TOP6BL: variants seen among roughly 807,000 people sequenced by gnomAD.
TOP6BL encodes the protein TOP6B like initiator of meiotic double strand breaks.
At chr11:66,745,005 T>C in the TOP6BL span, 3 of 1,209,046 alleles carry the variant, frequency 2.5e-6, no homozygotes, top group South Asian at 1.3e-4. Context: ...GGCAGAGGGG[T>C]CGGGCGTCGC....
At chr11:66,750,661 A>G in the TOP6BL span, among the ~76,000 whole-genome samples, 1 of 151,832 alleles carries the variant, frequency 6.6e-6, no homozygotes, top group African/African-American at 2.4e-5. Context: ...TGATTATTTA[A>G]TATTTATCTT....
chr11:66,828,278 C>G, the TOP6BL span: 27 of 1,613,306 alleles, frequency 1.7e-5, no homozygotes, highest in Admixed American at 1.3e-4. Context: ...AGCTGACACA[C>G]AAGAGTTCAG....
chr11:66,842,980 GC>G, the TOP6BL span: 4 of 1,550,124 alleles, frequency 2.6e-6, no homozygotes, highest in Non-Finnish European at 3.5e-6. Context: ...AGCCACCGCG[GC>G]CCCCCTCACT....
the TOP6BL span, among the ~76,000 whole-genome samples, chr11:66,817,866 G>A: frequency 6.6e-6 from 1 of 152,148 alleles, no homozygotes; most frequent in Non-Finnish European, 1.5e-5. Context: ...CTTAAATAGA[G>A]TAAAATTTGA....
chr11:66,748,432 A>G, the TOP6BL span: 30 of 1,548,008 alleles, frequency 1.9e-5, no homozygotes, highest in Middle Eastern at 5.0e-4. Flanking sequence ...TATCAAAGGG[A>G]GCATTGCTAG....
the TOP6BL span, among the ~76,000 whole-genome samples, chr11:66,789,092 G>A: frequency 1.3e-5 from 2 of 152,192 alleles, no homozygotes; most frequent in South Asian, 2.1e-4. Context: ...CACTCAGTCC[G>A]TAATAGGTAT....
the TOP6BL span, among the ~76,000 whole-genome samples, chr11:66,792,088 G>A: frequency 6.6e-6 from 1 of 152,122 alleles, no homozygotes; most frequent in East Asian, 1.9e-4. Context: ...GGGATTACAG[G>A]CGTGAGCCGC....
At chr11:66,836,829 T>C in the TOP6BL span, among the ~76,000 whole-genome samples, 1 of 149,456 alleles carries the variant, frequency 6.7e-6, no homozygotes, top group East Asian at 2.0e-4. Flanking sequence ...GCCTCCTGAG[T>C]AGCTGGGATT....
At chr11:66,790,963 C>A in the TOP6BL span, among the ~76,000 whole-genome samples, 1 of 152,136 alleles carries the variant, frequency 6.6e-6, no homozygotes, top group Admixed American at 6.6e-5. Context: ...ACGGCATTAG[C>A]CTCAAGGGAA....
the TOP6BL span, among the ~76,000 whole-genome samples, chr11:66,825,677 C>G: frequency 6.6e-6 from 1 of 152,094 alleles, no homozygotes; most frequent in African/African-American, 2.4e-5. Flanking sequence ...TATAAGCCAC[C>G]CAGTCTATAG....
the TOP6BL span, among the ~76,000 whole-genome samples, chr11:66,764,640 G>A: frequency 1.3e-5 from 2 of 149,426 alleles, no homozygotes; most frequent in Non-Finnish European, 3.0e-5. Flanking sequence ...ACTCCAGCTC[G>A]GGCGACAATG....
the TOP6BL span, among the ~76,000 whole-genome samples, chr11:66,819,046 G>A: frequency 6.6e-6 from 1 of 152,332 alleles, no homozygotes; most frequent in East Asian, 1.9e-4. Flanking sequence ...AAGATGCACA[G>A]TGAGGGAAGG....
chr11:66,745,137 A>G, the TOP6BL span, among the ~76,000 whole-genome samples: 2 of 152,082 alleles, frequency 1.3e-5, no homozygotes, highest in South Asian at 2.1e-4. Context: ...CCCTCTCTCC[A>G]GCCTACGGCT....
the TOP6BL span, among the ~76,000 whole-genome samples, chr11:66,833,040 C>CTTTTTTTTTTTTT: frequency 3.4e-5 from 4 of 117,264 alleles, no homozygotes; most frequent in African/African-American, 1.0e-4. Context: ...ATCTTTCTGC[C>CTTTTTTTTTTTTT]TTTTTTTTTT....
the TOP6BL span, chr11:66,796,195 C>A: frequency 9.6e-7 from 1 of 1,041,650 alleles, no homozygotes; most frequent in Admixed American, 2.3e-5. Flanking sequence ...GGTATAGTTA[C>A]TTTTAGAAGA....
the TOP6BL span, among the ~76,000 whole-genome samples, chr11:66,834,646 A>G: frequency 6.6e-6 from 1 of 152,208 alleles, no homozygotes; most frequent in Non-Finnish European, 1.5e-5. Context: ...GGGAAAGGTC[A>G]TGCAGGAATG....
At chr11:66,748,724 T>G in the TOP6BL span, among the ~76,000 whole-genome samples, 23 of 152,292 alleles carry the variant, frequency 1.5e-4, no homozygotes, top group East Asian at 1.4e-3. Context: ...ACTCTTACCA[T>G]AGATTATTTA....
chr11:66,813,530 C>G, the TOP6BL span, among the ~76,000 whole-genome samples: 3 of 152,024 alleles, frequency 2.0e-5, no homozygotes, highest in African/African-American at 7.2e-5. Flanking sequence ...GTCAAGAGAT[C>G]GAGACCATCC....
the TOP6BL span, among the ~76,000 whole-genome samples, chr11:66,755,211 C>T: frequency 1.0e-3 from 154 of 152,000 alleles, no homozygotes; most frequent in Middle Eastern, 3.4e-3. Context: ...ACCTCCGCCT[C>T]CTGGGTTCAA....
Sources: allele counts gnomAD v4.1 joint callset (sites outside exome capture counted in the v4.1 genomes callset), GRCh38; gene constraint gnomAD v4.1.1; transcripts MANE v1.5; gene names NCBI Gene and HGNC (gene_info 2026-07-23, HGNC 2026-07-21).